NAALADL2: variants seen among roughly 807,000 people sequenced by gnomAD.
NAALADL2 encodes the protein inactive N-acetylated-alpha-linked acidic dipeptidase-like protein 2.
In NAALADL2, 76 loss-of-function variants were observed where a neutral mutation model predicts 87.2. That is an observed-to-expected ratio of 0.87 (90% CI 0.72 to 1.05). NAALADL2 has a LOEUF of 1.05. NAALADL2 is among the 50% of genes least tolerant of loss of function. The pLI is 0.00. For missense variants in NAALADL2, 1,089 were observed against 945.8 expected (o/e 1.15, Z -1.99); for synonymous variants, 354 against 331.0 (o/e 1.07, Z -0.75).
At chr3:175,246,000 G>T (rs900100205) in intron 3 of NAALADL2, among the ~76,000 whole-genome samples, 1 of 152,296 alleles carries the variant, frequency 6.6e-6, no homozygotes, top group Middle Eastern at 3.4e-3. Context: ...GGGGAAGGCA[G>T]TGTTGGTTTT....
intron 1 of NAALADL2, among the ~76,000 whole-genome samples, chr3:174,869,782 G>A (rs1727580310): frequency 6.6e-6 from 1 of 152,092 alleles, no homozygotes; most frequent in Admixed American, 6.6e-5. Flanking sequence ...GGTCACCTGA[G>A]GTCAGGAGTT....
chr3:175,011,286 G>C (rs1156537685), intron 1 of NAALADL2, among the ~76,000 whole-genome samples: 16 of 129,616 alleles, frequency 1.2e-4, no homozygotes, highest in Non-Finnish European at 2.2e-4. Context: ...GAGACAGAGA[G>C]AGAGAGAGAG....
At chr3:175,063,904 G>C (rs78620147) in intron 1 of NAALADL2, among the ~76,000 whole-genome samples, 1 of 151,990 alleles carries the variant, frequency 6.6e-6, no homozygotes, top group East Asian at 1.9e-4. Flanking sequence ...ATTTTTAAAT[G>C]CTATTTAACT....
At chr3:175,421,720 G>A (rs1466813684) in intron 5 of NAALADL2, among the ~76,000 whole-genome samples, 1 of 151,976 alleles carries the variant, frequency 6.6e-6, no homozygotes, top group Admixed American at 6.6e-5. Flanking sequence ...ATGCAAGTTA[G>A]GATCATGATA....
At chr3:174,575,745 G>T (rs1263306498) in intron 2 of NAALADL2, among the ~76,000 whole-genome samples, 1 of 152,068 alleles carries the variant, frequency 6.6e-6, no homozygotes, top group Non-Finnish European at 1.5e-5. Flanking sequence ...AAAAATGTAG[G>T]TATGCATTTC....
intron 3 of NAALADL2, among the ~76,000 whole-genome samples, chr3:174,797,151 G>T (rs1718193433): frequency 6.6e-6 from 1 of 151,876 alleles, no homozygotes; most frequent in African/African-American, 2.4e-5. Context: ...AGATATAAGG[G>T]TTCAGTTTCA....
rs1001551687 is a variant in NAALADL2, at chr3:175,764,517, T to C, written c.2189+9099T>C. 2.7e-5 allele frequency among the ~76,000 whole-genome samples: 4 copies of C among 147,390 alleles called. No homozygotes were observed. The East Asian group carries it at 8.2e-4, about 30-fold the overall frequency. ...GACCTTGTGGAAGCTCAGGGGACCA[T>C]TTCAAGCTAATCCAAGCCAAGACCA... On this transcript the variant is annotated intron_variant, in intron 13 of 13. Transcript: ENST00000454872.
Position 175,410,719 on chromosome 3 carries a change from A to G in NAALADL2, c.1091-36510A>G, listed in dbSNP as rs886277733. Among the ~76,000 whole-genome samples, 42 of 152,314 alleles carry G rather than the reference A, an allele frequency of 2.8e-4. 3 individuals are homozygous for G. The highest frequency in any genetic ancestry group is 1.4e-3 in the Admixed American group (22 of 15,292). ...TAGACTTTTATGGGAAGTCAAAGTC[A>G]GGGACGACTCTCCTGAGAGAGTAAT... On this transcript the variant is annotated intron_variant, in intron 5 of 13. Coordinates refer to ENST00000454872, the MANE Select transcript of NAALADL2 (RefSeq NM_207015.3).
rs544171445 is a variant in NAALADL2, at chr3:175,211,932, A to G, written c.546-21999A>G. Among the ~76,000 whole-genome samples, 33 of 152,190 alleles carry G rather than the reference A, an allele frequency of 2.2e-4. No homozygotes were observed. The South Asian group carries it at 6.8e-3, about 32-fold the overall frequency. ...CATACTGATGCTAAGGAAAAAATTC[A>G]CTCACTCACTAAAAATTTCTGCTTA... On this transcript the variant is annotated intron_variant, in intron 2 of 13. Transcript: ENST00000454872.
At chr3:174,877,672 A>G (rs1165490137) in intron 1 of NAALADL2, among the ~76,000 whole-genome samples, 1 of 152,132 alleles carries the variant, frequency 6.6e-6, no homozygotes, top group African/African-American at 2.4e-5. Context: ...TAGCTATCTT[A>G]AAGTATTTGA....
chr3:175,034,973 C>G (rs1753236470), intron 1 of NAALADL2, among the ~76,000 whole-genome samples: 1 of 152,108 alleles, frequency 6.6e-6, no homozygotes, highest in Non-Finnish European at 1.5e-5. Flanking sequence ...ACTGTATTCT[C>G]AGTGTCCAGA....
chr3:175,596,431 G>A (rs534179940), intron 10 of NAALADL2, among the ~76,000 whole-genome samples: 28 of 151,884 alleles, frequency 1.8e-4, no homozygotes, highest in Non-Finnish European at 3.4e-4. Context: ...CAGAAGGCAC[G>A]TCCTTATCCA....
At chr3:175,215,025 G>C (rs1475253094) in intron 2 of NAALADL2, among the ~76,000 whole-genome samples, 1 of 152,068 alleles carries the variant, frequency 6.6e-6, no homozygotes, top group Non-Finnish European at 1.5e-5. Flanking sequence ...AGCTTATTTA[G>C]TGGTTCTCAG....
chr3:175,619,416 C>T (rs1037929925), intron 10 of NAALADL2, among the ~76,000 whole-genome samples: 5 of 149,542 alleles, frequency 3.3e-5, no homozygotes, highest in African/African-American at 9.9e-5. Context: ...TAATCCATTG[C>T]ATAGAAAACC....
intron 6 of NAALADL2, among the ~76,000 whole-genome samples, chr3:175,458,198 A>C (rs1192915425): frequency 6.6e-6 from 1 of 152,038 alleles, no homozygotes; most frequent in Non-Finnish European, 1.5e-5. Context: ...TAGTGTCTAG[A>C]AAACCAGATC....
intron 5 of NAALADL2, among the ~76,000 whole-genome samples, chr3:175,326,606 A>T (rs1760733113): frequency 6.6e-6 from 1 of 152,210 alleles, no homozygotes; most frequent in Non-Finnish European, 1.5e-5. Context: ...ATTTATAAAG[A>T]GCGGAGATTT....
intron 1 of NAALADL2, among the ~76,000 whole-genome samples, chr3:174,490,771 C>T (rs980003132): frequency 6.6e-6 from 1 of 151,886 alleles, no homozygotes; most frequent in African/African-American, 2.4e-5. Flanking sequence ...CTTTGAAAGC[C>T]TTTGGGTATT....
rs779567135 is a variant in NAALADL2 at position 175,241,855 on chromosome 3, A to ATTTTTTTTTTTTT, written c.819+7661_819+7673dup. Among the ~76,000 whole-genome samples the ATTTTTTTTTTTTT allele has an allele frequency of 7.0e-3, 584 of 83,814 alleles. 105 individuals are homozygous for ATTTTTTTTTTTTT. Among genetic ancestry groups the ATTTTTTTTTTTTT allele is most frequent in the African/African-American group, 0.016 (341 of 21,542 alleles). The allele number at this position is 83,814 out of a possible 152,430, so 55.0% of individuals were successfully genotyped here. ...TAGTGAGAAAGTATCTGGATGCTGAATTTTTTTTTTTTTTTTTTTTTTCTT... is the reference window on the plus strand; with the variant it reads ...TAGTGAGAAAGTATCTGGATGCTGAATTTTTTTTTTTTTTTTTTTTTTTTTTTTTTTTTTTCTT... On this transcript the variant is annotated intron_variant, in intron 3 of 13. Coordinates refer to ENST00000454872, the MANE Select transcript of NAALADL2 (RefSeq NM_207015.3).
At chr3:175,634,691 T>TTA (rs1728268677) in intron 11 of NAALADL2, among the ~76,000 whole-genome samples, 1 of 152,012 alleles carries the variant, frequency 6.6e-6, no homozygotes, top group Non-Finnish European at 1.5e-5. Context: ...GTATCTCTAA[T>TTA]GTTGATAAAT....
Sources: allele counts gnomAD v4.1 joint callset (sites outside exome capture counted in the v4.1 genomes callset), GRCh38; gene constraint gnomAD v4.1.1; transcripts MANE v1.5; gene names NCBI Gene and HGNC (gene_info 2026-07-23, HGNC 2026-07-21).